CLASP1: variants seen among roughly 807,000 people sequenced by gnomAD.
CLASP1 encodes cytoplasmic linker associated protein 1, also known as CLIP-associating protein 1.
CLASP1 carries 38 observed loss-of-function variants against 192.3 expected under a neutral mutation model. That is an observed-to-expected ratio of 0.20 (90% CI 0.15 to 0.26). CLASP1 has a LOEUF of 0.26. CLASP1 is among the 10% of genes least tolerant of loss of function. CLASP1 has a pLI of 1.00. For synonymous variants in CLASP1, 691 were observed against 712.8 expected, an observed-to-expected ratio of 0.97 and a Z score of 0.49; for missense variants, 1,433 against 1,932.5, an observed-to-expected ratio of 0.74 and a Z score of 4.85.
chr2:121,607,230 T>C (rs2105924216), intron 1 of CLASP1, among the ~76,000 whole-genome samples: 1 of 151,976 alleles, frequency 6.6e-6, no homozygotes, highest in Non-Finnish European at 1.5e-5. Context: ...TCCCAGCTAC[T>C]TAGGAGGCTG....
intron 2 of CLASP1, among the ~76,000 whole-genome samples, chr2:121,565,153 T>G (rs2059395797): frequency 6.6e-6 from 1 of 152,138 alleles, no homozygotes; most frequent in Admixed American, 6.5e-5. Context: ...TCAGGAACTT[T>G]GAGATTCAAA....
chr2:121,427,520 A>G, intron 20 of CLASP1, 90 bp from the exon 21 acceptor site: 1 of 1,352,970 alleles, frequency 7.4e-7, no homozygotes, highest in Non-Finnish European at 1.0e-6. Context: ...ACACAACACA[A>G]AGGTCTTTGT....
At chr2:121,469,488 C>A (rs1363302883) in intron 9 of CLASP1, among the ~76,000 whole-genome samples, 2 of 152,142 alleles carry the variant, frequency 1.3e-5, no homozygotes, top group Non-Finnish European at 2.9e-5. Flanking sequence ...ATTGCTGGAT[C>A]CAGATAACTA....
chr2:121,441,228 A>G (rs1574870416), intron 19 of CLASP1, among the ~76,000 whole-genome samples: 1 of 152,336 alleles, frequency 6.6e-6, no homozygotes, highest in Middle Eastern at 3.4e-3. Context: ...CCCAAATTAC[A>G]GATTATAAAA....
intron 14 of CLASP1, among the ~76,000 whole-genome samples, chr2:121,456,092 G>A (rs2086599492): frequency 6.6e-6 from 1 of 152,092 alleles, no homozygotes; most frequent in African/African-American, 2.4e-5. Context: ...AAAAAAATAA[G>A]TATGTGAGGT....
chr2:121,531,015 C>A (rs562809333), intron 2 of CLASP1: 16 of 699,926 alleles, frequency 2.3e-5, no homozygotes, highest in African/African-American at 2.3e-4. Context: ...AAAATGAAAA[C>A]CTGTTTTCAT....
In CLASP1 at chr2:121,530,901, G is replaced by C. The variant is rs879429057; in HGVS notation, c.196-576C>G. On this transcript the variant is annotated intron_variant, in intron 2 of 39. Transcript: ENST00000263710. ...TTATAACCATCCTTTTCTTGGGGTT[G>C]CGCTACTGTCCAATGAGCGCATAGT... 1.4e-6 allele frequency: 1 copy of C among 695,712 alleles called. No individual in the cohort carries two copies. The highest frequency in any genetic ancestry group is 2.7e-5 in the East Asian group (1 of 37,134). 43.1% of individuals were successfully genotyped at this position (695,712 alleles called of 1,614,324 possible). A position where few individuals can be genotyped will look rare whatever the true frequency, so the allele number is the denominator to read the frequency against.
intron 8 of CLASP1, among the ~76,000 whole-genome samples, chr2:121,487,275 T>C (rs1293409080): frequency 6.6e-6 from 1 of 152,192 alleles, no homozygotes; most frequent in African/African-American, 2.4e-5. Flanking sequence ...CAGGTAGATC[T>C]GTATTACCAA....
At chr2:121,363,977 T>C (rs2066904164) in intron 36 of CLASP1, 1 of 152,204 alleles carries the variant, frequency 6.6e-6, no homozygotes, top group Admixed American at 6.5e-5. Context: ...AATACACCAT[T>C]TACCTGTCTT....
At chr2:121,439,918 A>G (rs1279501135) in intron 19 of CLASP1, among the ~76,000 whole-genome samples, 1 of 118,502 alleles carries the variant, frequency 8.4e-6, no homozygotes. Context: ...GGAATATCAC[A>G]CTCTGGGACT....
intron 2 of CLASP1, among the ~76,000 whole-genome samples, chr2:121,547,681 C>T (rs977590581): frequency 2.6e-5 from 4 of 152,126 alleles, no homozygotes; most frequent in Non-Finnish European, 4.4e-5. Flanking sequence ...GAGAAACCCA[C>T]GCTTTTTGAG....
At chr2:121,499,266 C>T (rs565036669) in intron 8 of CLASP1, among the ~76,000 whole-genome samples, 1 of 152,262 alleles carries the variant, frequency 6.6e-6, no homozygotes, top group Admixed American at 6.5e-5. Context: ...CTGATACATG[C>T]TACATTATGG....
intron 26 of CLASP1, chr2:121,403,755 G>T: frequency 2.1e-6 from 1 of 469,022 alleles, no homozygotes; most frequent in Non-Finnish European, 4.3e-6. Flanking sequence ...ATACTCATGG[G>T]CATTTCCCCC....
chr2:121,503,963 G>A (rs191711580), intron 7 of CLASP1: 1 of 152,182 alleles, frequency 6.6e-6, no homozygotes, highest in Admixed American at 6.5e-5. Context: ...GGGCATGGTG[G>A]CTCATTACTG....
chr2:121,550,979 T>C (rs1181082755), intron 2 of CLASP1, among the ~76,000 whole-genome samples: 3 of 152,158 alleles, frequency 2.0e-5, no homozygotes, highest in African/African-American at 4.8e-5. Flanking sequence ...AACAAAATAC[T>C]TGCAAACCAA....
chr2:121,521,759 C>T (rs550018228), intron 6 of CLASP1, among the ~76,000 whole-genome samples: 26 of 152,254 alleles, frequency 1.7e-4, no homozygotes, highest in African/African-American at 6.0e-4. Flanking sequence ...GAGGATTCTC[C>T]GCACACTGGC....
At chr2:121,489,017 A>G (rs1477282138) in intron 8 of CLASP1, among the ~76,000 whole-genome samples, 3 of 152,190 alleles carry the variant, frequency 2.0e-5, no homozygotes, top group Admixed American at 6.5e-5. Flanking sequence ...CTCTCATATT[A>G]TTTTGACCTG....
intron 20 of CLASP1, 23 bp downstream of exon 20, chr2:121,430,050 A>T: frequency 6.6e-7 from 1 of 1,512,106 alleles, no homozygotes; most frequent in Non-Finnish European, 9.0e-7. Flanking sequence ...GAGGTAAGCA[A>T]GAGCATAAAA....
rs552122470 is a variant in CLASP1 at position 121,508,212 on chromosome 2, T to C, written c.645-4978A>G. 3.9e-5 allele frequency among the ~76,000 whole-genome samples: 6 copies of C among 151,986 alleles called. No homozygotes were observed. In the South Asian group the frequency reaches 1.2e-3, roughly 31 times the overall value. The stretch of plus-strand genomic sequence containing the variant: ...CTGGTGGGCTTATAATGTATAAAGA[T>C]GTAATTTGCATGACAATAGCAAAAA... On this transcript the variant is annotated intron_variant, in intron 7 of 39. Coordinates refer to ENST00000263710, the Ensembl canonical transcript of CLASP1.
Sources: gnomAD v4.1 joint callset for allele counts (sites outside exome capture counted in the v4.1 genomes callset) on GRCh38, gnomAD v4.1.1 for gene constraint, MANE v1.5 for transcripts, NCBI Gene and HGNC (gene_info 2026-07-23, HGNC 2026-07-21) for gene names.